Variants in PRSS23 observed in about 807,000 individuals in gnomAD.
The protein encoded by PRSS23 is serine protease 23.
In PRSS23, 25 loss-of-function variants were observed where a neutral mutation model predicts 34.7. The observed-to-expected ratio is 0.72, with a 90% CI of 0.53 to 1.01. The LOEUF (loss-of-function observed/expected upper bound fraction) is 1.01, where lower values mean the gene tolerates loss of function less well. Ranked by LOEUF, PRSS23 falls within the 50% of genes least tolerant of loss-of-function variation. The pLI is 0.00. For synonymous variants in PRSS23, 176 were observed against 186.6 expected (o/e 0.94, Z 0.46); for missense variants, 445 against 475.6 (o/e 0.94, Z 0.60).
chr11:86,858,726 C>T (rs988535945), intron 2 of PRSS23, among the ~76,000 whole-genome samples: 2 of 151,336 alleles, frequency 1.3e-5, no homozygotes, highest in African/African-American at 4.9e-5. Context: ...GTGTACACAA[C>T]CCTGTGGTAT....
chr11:86,854,174 G>T (rs1347713336), intron 2 of PRSS23, among the ~76,000 whole-genome samples: 1 of 152,070 alleles, frequency 6.6e-6, no homozygotes, highest in African/African-American at 2.4e-5. Context: ...CTAATTTTTT[G>T]TATTTTTAGT....
exon 3 of PRSS23, chr11:86,952,678 G>C (rs113117399): frequency 7.5e-5 from 41 of 547,184 alleles, no homozygotes; most frequent in African/African-American, 6.4e-4. Context: ...TTTGGCTTTA[G>C]TAATCCTTTC....
chr11:86,913,976 G>A (rs917694824), intron 2 of PRSS23, among the ~76,000 whole-genome samples: 8 of 149,410 alleles, frequency 5.4e-5, no homozygotes, highest in South Asian at 4.2e-4. Context: ...AGGCTGAGGC[G>A]GGTGGATCAC....
At chr11:86,946,890 C>T (rs2135033099) in intron 2 of PRSS23, 1 of 152,354 alleles carries the variant, frequency 6.6e-6, no homozygotes, top group Non-Finnish European at 1.5e-5. Flanking sequence ...GAACAAAATA[C>T]AAGACGTAAA....
At chr11:86,829,452 G>T (rs1948332120) in intron 2 of PRSS23, among the ~76,000 whole-genome samples, 1 of 152,062 alleles carries the variant, frequency 6.6e-6, no homozygotes, top group Non-Finnish European at 1.5e-5. Flanking sequence ...TCCTCCTGTA[G>T]CTCATAGTTT....
intron 2 of PRSS23, among the ~76,000 whole-genome samples, chr11:86,923,296 T>A (rs990509970): frequency 6.6e-5 from 10 of 152,076 alleles, no homozygotes; most frequent in African/African-American, 2.2e-4. Flanking sequence ...GCTAATTTTT[T>A]AAAATATTTT....
chr11:86,800,394 G>A (rs978948709), upstream of PRSS23: 1 of 950,838 alleles, frequency 1.1e-6, no homozygotes, highest in Admixed American at 6.2e-5. Flanking sequence ...GGCCGCAGGC[G>A]AGCGGCGAGG....
intron 2 of PRSS23, among the ~76,000 whole-genome samples, chr11:86,941,796 T>G (rs1949208997): frequency 1.3e-5 from 2 of 152,318 alleles, no homozygotes; most frequent in South Asian, 4.1e-4. Context: ...CCCTAGTATC[T>G]TCCCAGAAAG....
chr11:86,840,169 A>T (rs755950362), intron 2 of PRSS23, among the ~76,000 whole-genome samples: 2 of 152,212 alleles, frequency 1.3e-5, no homozygotes, highest in Non-Finnish European at 2.9e-5. Flanking sequence ...TTGGATAAAG[A>T]GTCAAGACCC....
intron 2 of PRSS23, among the ~76,000 whole-genome samples, chr11:86,828,949 T>C (rs937676616): frequency 2.0e-5 from 3 of 152,118 alleles, no homozygotes; most frequent in Admixed American, 6.5e-5. Context: ...ATTTCAACTT[T>C]GGTGAATCTG....
intron 2 of PRSS23, among the ~76,000 whole-genome samples, chr11:86,922,526 C>T (rs1184543091): frequency 2.0e-5 from 3 of 152,124 alleles, no homozygotes; most frequent in African/African-American, 7.2e-5. Flanking sequence ...TGTCCTCACA[C>T]CATCACTATG....
At chr11:86,814,403 A>C (rs1277700146), downstream of PRSS23, among the ~76,000 whole-genome samples, 1 of 152,148 alleles carries the variant, frequency 6.6e-6, no homozygotes, top group Non-Finnish European at 1.5e-5. Flanking sequence ...GCTGGTAAGA[A>C]GCCACCAATA....
chr11:86,851,313 G>A (rs1196460632), intron 2 of PRSS23, among the ~76,000 whole-genome samples: 1 of 152,224 alleles, frequency 6.6e-6, no homozygotes, highest in African/African-American at 2.4e-5. Context: ...GAAAGCCAGG[G>A]GCAGGGGCAA....
intron 2 of PRSS23, among the ~76,000 whole-genome samples, chr11:86,862,003 A>G (rs1298805199): frequency 2.0e-5 from 3 of 151,044 alleles, no homozygotes; most frequent in Non-Finnish European, 4.4e-5. Context: ...AGAGAATGAT[A>G]TTACATCCCA....
chr11:86,840,539 TAGAC>T (rs546690823), intron 2 of PRSS23, among the ~76,000 whole-genome samples: 20 of 152,160 alleles, frequency 1.3e-4, no homozygotes, highest in Non-Finnish European at 2.2e-4. Flanking sequence ...ACTTCAGTAT[TAGAC>T]AGATCAACAA....
At chr11:86,804,707 C>T (rs150036896) in intron 1 of PRSS23, among the ~76,000 whole-genome samples, 2 of 152,182 alleles carry the variant, frequency 1.3e-5, no homozygotes, top group African/African-American at 2.4e-5. Flanking sequence ...TTAGCATTCT[C>T]TAACAGGATT....
rs192119309 is a variant in PRSS23 at position 86,881,528 on chromosome 11, A to G, written c.206+57935A>G. Among the ~76,000 whole-genome samples the G allele has an allele frequency of 1.3e-4, 20 of 152,230 alleles. 1 individual carries two copies. The highest frequency in any genetic ancestry group is 1.0e-3 in the Admixed American group (16 of 15,298). On this transcript the variant is annotated intron_variant, in intron 2 of 2. Transcript: ENST00000533902. Reference sequence around the variant, plus strand: ...GTATTTTGTTGAAGATTTTGCACCTACATTCATAAGAGATACTGCTCTATC... The same window carrying G: ...GTATTTTGTTGAAGATTTTGCACCTGCATTCATAAGAGATACTGCTCTATC...
intron 2 of PRSS23, among the ~76,000 whole-genome samples, chr11:86,929,241 G>T (rs892153729): frequency 6.6e-6 from 1 of 151,592 alleles, no homozygotes; most frequent in Non-Finnish European, 1.5e-5. Context: ...CGAATCGCTT[G>T]AACCTGGGAA....
At chr11:86,889,713 C>T (rs10898546) in intron 2 of PRSS23, among the ~76,000 whole-genome samples, 100,201 of 152,058 alleles carry the variant, frequency 0.66, 33,310 homozygotes, top group South Asian at 0.74. Context: ...ACAGATCCCT[C>T]GTGCCTAGAA....
Sources: gnomAD v4.1 joint callset for allele counts (sites outside exome capture counted in the v4.1 genomes callset) on GRCh38, gnomAD v4.1.1 for gene constraint, MANE v1.5 for transcripts, NCBI Gene and HGNC (gene_info 2026-07-23, HGNC 2026-07-21) for gene names.